CNIH4: variants seen among roughly 807,000 people sequenced by gnomAD.
CNIH4 encodes cornichon family member 4, also known as protein cornichon homolog 4.
CNIH4 carries 9 observed loss-of-function variants against 21.5 expected under a neutral mutation model. The observed-to-expected ratio is 0.42, with a 90% CI of 0.25 to 0.73. The LOEUF is 0.73. Ranked by LOEUF, CNIH4 falls within the 30% of genes least tolerant of loss-of-function variation. CNIH4 has a pLI of 0.27. For synonymous variants in CNIH4, 67 were observed against 59.1 expected, an observed-to-expected ratio of 1.13 and a Z score of -0.61; for missense variants, 159 against 170.0, an observed-to-expected ratio of 0.94 and a Z score of 0.36.
intron 3 of CNIH4, among the ~76,000 whole-genome samples, chr1:224,366,677 G>A (rs1672465581): frequency 6.6e-6 from 1 of 151,838 alleles, no homozygotes; most frequent in African/African-American, 2.4e-5. Context: ...TGCAAATTAG[G>A]GCTGGGTACA....
chr1:224,371,936 C>CT (rs1473873481), intron 4 of CNIH4, among the ~76,000 whole-genome samples: 1 of 152,116 alleles, frequency 6.6e-6, no homozygotes, highest in Non-Finnish European at 1.5e-5. Flanking sequence ...TAGTGAAACT[C>CT]TGTTTCATAT....
chr1:224,358,488 C>T (rs1315162022), intron 1 of CNIH4, among the ~76,000 whole-genome samples: 1 of 152,242 alleles, frequency 6.6e-6, no homozygotes, highest in African/African-American at 2.4e-5. Context: ...GTCCAACCCA[C>T]GGCCCACGGG....
rs183845739 is a variant in CNIH4, at chr1:224,363,240, C to T, written c.139-2639C>T. Among the ~76,000 whole-genome samples, 724 of 151,974 alleles carry T rather than the reference C, an allele frequency of 4.8e-3. 11 individuals are homozygous for T. The highest frequency in any genetic ancestry group is 0.016 in the African/African-American group (671 of 41,454). ...TGTATTTTTAATAGAGATGAAGTCT[C>T]GCCACGTTGGCCAGGCTGGTCTCCG... On this transcript the variant is annotated intron_variant, in intron 2 of 4. Transcript: ENST00000465271.
At chr1:224,363,985 T>C (rs775713455) in intron 2 of CNIH4, 13 of 911,406 alleles carry the variant, frequency 1.4e-5, no homozygotes, top group Non-Finnish European at 1.7e-5. Context: ...GCCAGTGTAC[T>C]GAGAACAAAT....
intron 1 of CNIH4, among the ~76,000 whole-genome samples, chr1:224,357,883 A>C (rs1016928192): frequency 2.0e-4 from 30 of 152,248 alleles, no homozygotes; most frequent in African/African-American, 7.2e-4. Context: ...ATCTAGGCTT[A>C]GTTGTTGCCC....
At chr1:224,357,234 C>A in intron 1 of CNIH4, 1 of 444,064 alleles carries the variant, frequency 2.3e-6, no homozygotes, top group Non-Finnish European at 4.0e-6. Flanking sequence ...GCCGGCCGCC[C>A]CTCACTCGGG....
chr1:224,362,441 T>C (rs966414408), intron 2 of CNIH4, among the ~76,000 whole-genome samples: 5 of 151,568 alleles, frequency 3.3e-5, no homozygotes, highest in Admixed American at 6.6e-5. Context: ...TTTTAGAATC[T>C]TTATCCTTGG....
At chr1:224,357,198 C>T (rs1158506733) in intron 1 of CNIH4, 2 of 565,416 alleles carry the variant, frequency 3.5e-6, no homozygotes, top group Admixed American at 6.6e-5. Flanking sequence ...CCCTGCTGCC[C>T]TGCACGCACT....
In CNIH4 at chr1:224,376,023, C is replaced by A; in HGVS notation, c.*201C>A. The A allele has an allele frequency of 7.8e-7, 1 of 1,275,392 alleles. No individual in the cohort carries two copies. The highest frequency in any genetic ancestry group is 9.9e-7 in the Non-Finnish European group (1 of 1,009,906). The allele number at this position is 1,275,392 out of a possible 1,614,324, so 79.0% of individuals were successfully genotyped here. On this transcript the variant is annotated 3_prime_UTR_variant, in exon 5 of 5. Transcript: ENST00000465271. Reference sequence around the variant, plus strand: ...GTTTCTGTAGATTTCTAGTTCTCAACTTTAGCCTGAACGCCAACACTTGAA... The same window carrying A: ...GTTTCTGTAGATTTCTAGTTCTCAAATTTAGCCTGAACGCCAACACTTGAA...
rs1462507199 is a variant in CNIH4, at chr1:224,376,367, A to G, written c.*545A>G. On this transcript the variant is annotated 3_prime_UTR_variant, in exon 5 of 5. Coordinates refer to ENST00000465271, the MANE Select transcript of CNIH4 (RefSeq NM_014184.4). ...CAGAGAATGGCATCTCAAAATATATATATTTCTTTGCACAATTTGTGAAAC... is the reference window on the plus strand; with the variant it reads ...CAGAGAATGGCATCTCAAAATATATGTATTTCTTTGCACAATTTGTGAAAC... 2.0e-6 allele frequency: 2 copies of G among 985,242 alleles called. No individual in the cohort carries two copies. The highest frequency in any genetic ancestry group is 1.7e-5 in the African/African-American group (1 of 57,242). The allele number at this position is 985,242 out of a possible 1,614,324, so 61.0% of individuals were successfully genotyped here.
At position 224,377,313 on chromosome 1, in the gene CNIH4, A is replaced by T. The variant is rs1187246496; in HGVS notation, c.*1491A>T. 1 of 152,172 alleles carries T rather than the reference A, an allele frequency of 6.6e-6. No homozygotes were observed. Among genetic ancestry groups the T allele is most frequent in the Non-Finnish European group, 1.5e-5 (1 of 68,044 alleles). 9.4% of individuals were successfully genotyped at this position (152,172 alleles called of 1,614,324 possible). On this transcript the variant is annotated 3_prime_UTR_variant, in exon 5 of 5. Coordinates refer to ENST00000465271, the MANE Select transcript of CNIH4 (RefSeq NM_014184.4). Reference sequence around the variant, plus strand: ...ATTACTTTGCTTGCATCTCTTTTTCATACCTTTTCCCTCTGAGGCAGCTTT... The same window carrying T: ...ATTACTTTGCTTGCATCTCTTTTTCTTACCTTTTCCCTCTGAGGCAGCTTT...
rs772710126 is a variant in CNIH4, at chr1:224,356,910, C to T, written c.-15C>T. The T allele has an allele frequency of 9.6e-5, 153 of 1,600,470 alleles. No homozygotes were observed. Among genetic ancestry groups the T allele is most frequent in the Admixed American group, 1.9e-4 (11 of 58,528 alleles). ...GCGGGTTTGACGGAAGGAGCGGCGG[C>T]GACGGAGGAGGAGGATGGAGGCGGT... On this transcript the variant is annotated 5_prime_UTR_variant, in exon 1 of 5. Coordinates refer to ENST00000465271, the MANE Select transcript of CNIH4 (RefSeq NM_014184.4).
Position 224,379,276 on chromosome 1 carries a change from C to A in CNIH4, c.*3454C>A. ...TCCTATAGTAGTATCTCCCATGGCA[C>A]TTACCACATTCTATCTGGTATTACA... is the stretch of plus-strand genomic sequence containing the variant. On this transcript the variant is annotated 3_prime_UTR_variant, in exon 5 of 5. Coordinates refer to ENST00000465271, the MANE Select transcript of CNIH4 (RefSeq NM_014184.4). 1.6e-6 allele frequency: 1 copy of A among 614,754 alleles called. No individual in the cohort carries two copies. The highest frequency in any genetic ancestry group is 2.9e-6 in the Non-Finnish European group (1 of 344,788). The allele number at this position is 614,754 out of a possible 1,614,324, so 38.1% of individuals were successfully genotyped here. A position where few individuals can be genotyped will look rare whatever the true frequency, so the allele number is the denominator to read the frequency against.
At chr1:224,371,680 C>G (rs150269611) in intron 4 of CNIH4, among the ~76,000 whole-genome samples, 1 of 152,148 alleles carries the variant, frequency 6.6e-6, no homozygotes, top group Non-Finnish European at 1.5e-5. Flanking sequence ...CGGTGACTTA[C>G]GCCTGTAATC....
chr1:224,356,862 C>A, upstream of CNIH4: 1 of 1,415,882 alleles, frequency 7.1e-7, no homozygotes, highest in Non-Finnish European at 9.8e-7. Context: ...AAGGGCCTAT[C>A]AGGGGTGGGT....
chr1:224,375,054 C>T (rs1672740779), intron 4 of CNIH4, among the ~76,000 whole-genome samples: 2 of 152,136 alleles, frequency 1.3e-5, no homozygotes, highest in Admixed American at 6.6e-5. Context: ...ATTTTAGTGG[C>T]GTAGCATTTA....
intron 4 of CNIH4, among the ~76,000 whole-genome samples, chr1:224,372,865 C>A (rs1672674070): frequency 6.6e-6 from 1 of 151,904 alleles, no homozygotes; most frequent in Non-Finnish European, 1.5e-5. Flanking sequence ...CAGGCATGAG[C>A]CACCGTGCCT....
At chr1:224,364,163 G>T in intron 2 of CNIH4, 1 of 982,652 alleles carries the variant, frequency 1.0e-6, no homozygotes, top group Middle Eastern at 5.2e-4. Flanking sequence ...CGAGGAGGGA[G>T]AATCACTTGA....
Position 224,379,200 on chromosome 1 carries a change from A to G in CNIH4, c.*3378A>G. 1.8e-6 allele frequency: 2 copies of G among 1,129,790 alleles called. No homozygotes were observed. Among genetic ancestry groups the G allele is most frequent in the Non-Finnish European group, 2.6e-6 (2 of 766,480 alleles). The allele number at this position is 1,129,790 out of a possible 1,614,324, so 70.0% of individuals were successfully genotyped here. A position where few individuals can be genotyped will look rare whatever the true frequency, so the allele number is the denominator to read the frequency against. ...TGCCTTTTCATGCCTGCCACAGACT[A>G]CAGTAGGACAAAACCTGACCTGGTC... On this transcript the variant is annotated 3_prime_UTR_variant, in exon 5 of 5. Transcript: ENST00000465271.
Sources: allele counts gnomAD v4.1 joint callset (sites outside exome capture counted in the v4.1 genomes callset), GRCh38; gene constraint gnomAD v4.1.1; transcripts MANE v1.5; gene names NCBI Gene and HGNC (gene_info 2026-07-23, HGNC 2026-07-21).